The following ANXA4 variants were observed in gnomAD, a reference collection of about 807,000 sequenced individuals.
ANXA4 encodes the protein 35-beta calcimedin.
Under a neutral mutation model 49.8 loss-of-function variants are expected in ANXA4, and 39 were observed. The observed-to-expected ratio is 0.78, with a 90% CI of 0.61 to 1.02. The LOEUF (loss-of-function observed/expected upper bound fraction) is 1.02, where lower values mean the gene tolerates loss of function less well. ANXA4 is among the 50% of genes least tolerant of loss of function. The pLI is 0.00. For synonymous variants in ANXA4, 134 were observed against 152.5 expected (o/e 0.88, Z 0.89); for missense variants, 360 against 410.1 (o/e 0.88, Z 1.05).
intron 12 of ANXA4, among the ~76,000 whole-genome samples, chr2:69,825,066 C>CAA (rs10565929): frequency 3.6e-3 from 185 of 51,582 alleles, no homozygotes; most frequent in African/African-American, 5.4e-3. Context: ...GACTCTGTCT[C>CAA]AAAAAAAAAA....
At chr2:69,715,397 G>A (rs1456250237) in intron 2 of ANXA4, among the ~76,000 whole-genome samples, 3 of 151,998 alleles carry the variant, frequency 2.0e-5, no homozygotes, top group Non-Finnish European at 4.4e-5. Context: ...TAGTAGAGAC[G>A]GGGTTTCACC....
chr2:69,660,882 G>C (rs1478341264), intron 2 of ANXA4, among the ~76,000 whole-genome samples: 1 of 151,220 alleles, frequency 6.6e-6, no homozygotes, highest in Non-Finnish European at 1.5e-5. Flanking sequence ...AGAAGGGAGG[G>C]GGAAGATGAC....
At chr2:69,659,011 T>C (rs1223146326) in intron 2 of ANXA4, among the ~76,000 whole-genome samples, 1 of 152,236 alleles carries the variant, frequency 6.6e-6, no homozygotes, top group African/African-American at 2.4e-5. Context: ...AAATTTATTT[T>C]TGTCAAACCT....
chr2:69,713,118 T>C (rs1223412741), intron 2 of ANXA4, among the ~76,000 whole-genome samples: 1 of 151,958 alleles, frequency 6.6e-6, no homozygotes, highest in Non-Finnish European at 1.5e-5. Flanking sequence ...AGCCTTACTC[T>C]CAACCACCAC....
chr2:69,701,841 G>A (rs1678338413), intron 2 of ANXA4, among the ~76,000 whole-genome samples: 1 of 151,830 alleles, frequency 6.6e-6, no homozygotes, highest in African/African-American at 2.4e-5. Context: ...TGCATCTGTT[G>A]ATATCTTTAC....
intron 2 of ANXA4, among the ~76,000 whole-genome samples, chr2:69,718,262 C>G (rs1006557984): frequency 6.6e-5 from 10 of 152,066 alleles, no homozygotes; most frequent in African/African-American, 2.4e-4. Flanking sequence ...GGGGAAAGGT[C>G]CCCCCAGCTG....
Position 69,678,393 on chromosome 2 carries a change from T to TC in ANXA4, n.766+25111_766+25112insC, listed in dbSNP as rs202066971. On this transcript the variant is annotated intron_variant and non_coding_transcript_variant, in intron 2 of 3. Transcript: ENST00000418066. The stretch of plus-strand genomic sequence containing the variant: ...ATCTACACTTTCTTTTCTTTTCTTT[T>TC]TTTTTTTTTTTTTTTTTTGAGTCAG... 7.0e-3 allele frequency among the ~76,000 whole-genome samples: 988 copies of TC among 140,194 alleles called. 8 individuals are homozygous for TC. Among genetic ancestry groups the TC allele is most frequent in the African/African-American group, 0.025 (926 of 36,890 alleles). 92.0% of individuals were successfully genotyped at this position (140,194 alleles called of 152,430 possible). A position where few individuals can be genotyped will look rare whatever the true frequency, so the allele number is the denominator to read the frequency against.
chr2:69,780,889 A>G (rs1672170610), intron 1 of ANXA4, among the ~76,000 whole-genome samples: 1 of 152,206 alleles, frequency 6.6e-6, no homozygotes, highest in South Asian at 2.1e-4. Flanking sequence ...TGCATTCTGA[A>G]CAACTGAAAA....
chr2:69,749,701 G>C (rs530669785), intron 1 of ANXA4, among the ~76,000 whole-genome samples: 1 of 151,840 alleles, frequency 6.6e-6, no homozygotes, highest in Non-Finnish European at 1.5e-5. Flanking sequence ...GAGGCAGGCG[G>C]ATCACTTGAG....
At chr2:69,696,931 A>C (rs1678178654) in intron 2 of ANXA4, among the ~76,000 whole-genome samples, 1 of 152,224 alleles carries the variant, frequency 6.6e-6, no homozygotes, top group African/African-American at 2.4e-5. Context: ...CCATTTATAC[A>C]GCACTGGCAG....
chr2:69,674,229 G>A (rs2105347030), intron 2 of ANXA4: 1 of 152,270 alleles, frequency 6.6e-6, no homozygotes, highest in Admixed American at 6.5e-5. Flanking sequence ...AGGCAACCTG[G>A]CCCGTTTGCA....
At chr2:69,817,742 C>A (rs1399578269) in intron 9 of ANXA4, 1 of 152,036 alleles carries the variant, frequency 6.6e-6, no homozygotes, top group African/African-American at 2.4e-5. Flanking sequence ...AAATATTGAC[C>A]CCCTACTTCA....
chr2:69,775,939 C>T (rs187091438), intron 1 of ANXA4, among the ~76,000 whole-genome samples: 1 of 144,188 alleles, frequency 6.9e-6, no homozygotes, highest in East Asian at 2.1e-4. Context: ...CATTTTCTTC[C>T]AGGCCATTTT....
chr2:69,796,119 T>A (rs1479880406), intron 3 of ANXA4, among the ~76,000 whole-genome samples: 1 of 152,222 alleles, frequency 6.6e-6, no homozygotes, highest in African/African-American at 2.4e-5. Context: ...TGAGACTAGT[T>A]CTGGACCTAG....
chr2:69,742,955 C>T (rs1670460906), intron 1 of ANXA4, among the ~76,000 whole-genome samples: 1 of 152,168 alleles, frequency 6.6e-6, no homozygotes, highest in Non-Finnish European at 1.5e-5. Context: ...TTCTCCTGCC[C>T]ACCAGTCCAT....
At chr2:69,688,096 C>T (rs369991237) in intron 2 of ANXA4, among the ~76,000 whole-genome samples, 2 of 152,176 alleles carry the variant, frequency 1.3e-5, no homozygotes, top group Non-Finnish European at 2.9e-5. Context: ...GTCCACACAT[C>T]GCCATGGTTA....
chr2:69,823,934 C>G (rs890480933), intron 12 of ANXA4, among the ~76,000 whole-genome samples: 1 of 152,098 alleles, frequency 6.6e-6, no homozygotes, highest in South Asian at 2.1e-4. Flanking sequence ...TTAATCTAGG[C>G]CAGGTGCAGT....
chr2:69,724,921 A>G lies in ANXA4; in HGVS notation n.864+4050A>G, dbSNP rs185767411. Among the ~76,000 whole-genome samples, 510 of 152,362 alleles carry G rather than the reference A, an allele frequency of 3.3e-3. 1 individual carries two copies. Among genetic ancestry groups the G allele is most frequent in the Admixed American group, 5.9e-3 (91 of 15,308 alleles). On this transcript the variant is annotated intron_variant and non_coding_transcript_variant, in intron 3 of 3. Coordinates refer to the ANXA4 transcript ENST00000418066. ...CAGCCGCTGTCCGTGTGGAACGTTT[A>G]GCTGATCCCAGCTTCATTATTATGC...
At chr2:69,811,397 G>A (rs192936757) in intron 7 of ANXA4, 3 of 152,592 alleles carry the variant, frequency 2.0e-5, no homozygotes, top group Non-Finnish European at 2.9e-5. Context: ...TTTCAGAAGA[G>A]TAATGTAATA....
Sources: allele counts gnomAD v4.1 joint callset (sites outside exome capture counted in the v4.1 genomes callset), GRCh38; gene constraint gnomAD v4.1.1; transcripts MANE v1.5; gene names NCBI Gene and HGNC (gene_info 2026-07-23, HGNC 2026-07-21).